RASSF4: variants seen among roughly 807,000 people sequenced by gnomAD.
RASSF4 encodes Ras association domain family member 4, also known as ras association domain-containing protein 4.
In RASSF4, 38 loss-of-function variants were observed where a neutral mutation model predicts 41.1. The observed-to-expected ratio is 0.92, with a 90% CI of 0.71 to 1.21. The LOEUF (loss-of-function observed/expected upper bound fraction) is 1.21. Ranked by LOEUF, RASSF4 falls within the 50% of genes most tolerant of loss-of-function variation. The pLI is 0.00. For missense variants in RASSF4, 414 were observed against 419.4 expected (o/e 0.99, Z 0.11); for synonymous variants, 179 against 163.4 (o/e 1.10, Z -0.73).
At chr10:44,989,059 C>A (rs1842016516) in intron 6 of RASSF4, among the ~76,000 whole-genome samples, 1 of 152,222 alleles carries the variant, frequency 6.6e-6, no homozygotes, top group Admixed American at 6.5e-5. Flanking sequence ...GGTGTGTAGA[C>A]ATCTTCCTTA....
At chr10:44,984,462 C>A in intron 5 of RASSF4, 1 of 489,412 alleles carries the variant, frequency 2.0e-6, no homozygotes, top group Non-Finnish European at 3.7e-6. Flanking sequence ...TCTGTACCTG[C>A]TCACTCATCC....
At chr10:44,977,086 G>A (rs747770839) in intron 3 of RASSF4, 6 of 267,794 alleles carry the variant, frequency 2.2e-5, no homozygotes, top group Non-Finnish European at 3.5e-5. Flanking sequence ...TGGCCTGGGA[G>A]GCAGGTGCCA....
At chr10:44,984,610 T>C in intron 5 of RASSF4, 2 of 625,678 alleles carry the variant, frequency 3.2e-6, no homozygotes, top group Non-Finnish European at 5.6e-6. Flanking sequence ...TGTGACATTG[T>C]GACCCAGGTT....
At chr10:44,966,244 C>T (rs866486064) in intron 1 of RASSF4, among the ~76,000 whole-genome samples, 1 of 152,150 alleles carries the variant, frequency 6.6e-6, no homozygotes, top group Non-Finnish European at 1.5e-5. Flanking sequence ...AATAAGTAAC[C>T]ACTGCCTGAC....
chr10:44,963,476 T>G (rs1036018276), intron 1 of RASSF4, among the ~76,000 whole-genome samples: 1 of 152,214 alleles, frequency 6.6e-6, no homozygotes, highest in Non-Finnish European at 1.5e-5. Flanking sequence ...TTCATTGTCC[T>G]CTGTGCCCTG....
chr10:44,992,441 G>A (rs1219067727), intron 10 of RASSF4, among the ~76,000 whole-genome samples: 1 of 152,242 alleles, frequency 6.6e-6, no homozygotes, highest in African/African-American at 2.4e-5. Flanking sequence ...AGTGGCAGAT[G>A]CTGGAACTCC....
At chr10:44,986,534 G>A (rs1033643798) in intron 6 of RASSF4, among the ~76,000 whole-genome samples, 16 of 152,230 alleles carry the variant, frequency 1.1e-4, no homozygotes, top group African/African-American at 3.6e-4. Flanking sequence ...CTTGCAATGT[G>A]AATCCATTCT....
At chr10:44,984,246 C>T in intron 5 of RASSF4, 133 bp downstream of exon 5, 1 of 848,344 alleles carries the variant, frequency 1.2e-6, no homozygotes, top group Non-Finnish European at 1.8e-6. Context: ...TGCTGGACCC[C>T]TACCCAGGTG....
At position 44,963,116 on chromosome 10, in the gene RASSF4, G is replaced by A. The variant is rs527361813; in HGVS notation, c.-39+3250G>A. 1.1e-4 allele frequency among the ~76,000 whole-genome samples: 17 copies of A among 152,126 alleles called. No homozygotes were observed. In the South Asian group the frequency reaches 2.5e-3, roughly 22 times the overall value. ...GGAGGTGGAGGGGAGCTCTGTGCCCGCCTCTCCTGGACTCCCCTGGTCTCC... is the reference window on the plus strand; with the variant it reads ...GGAGGTGGAGGGGAGCTCTGTGCCCACCTCTCCTGGACTCCCCTGGTCTCC... On this transcript the variant is annotated intron_variant, in intron 1 of 10. Transcript: ENST00000340258.
chr10:44,973,533 C>T (rs1841268435), intron 3 of RASSF4, among the ~76,000 whole-genome samples: 1 of 152,228 alleles, frequency 6.6e-6, no homozygotes, highest in Non-Finnish European at 1.5e-5. Flanking sequence ...ACCAGCTGCC[C>T]TGGGAACTGG....
intron 3 of RASSF4, chr10:44,977,338 G>A (rs901903327): frequency 4.0e-6 from 6 of 1,511,480 alleles, no homozygotes; most frequent in African/African-American, 1.4e-5. Flanking sequence ...TGGAGGAGAC[G>A]AGAGGAGATG....
chr10:44,982,702 G>A (rs755848916), intron 4 of RASSF4, 39 bp downstream of exon 4: 1 of 1,599,648 alleles, frequency 6.3e-7, no homozygotes, highest in Non-Finnish European at 8.5e-7. Flanking sequence ...TGCTCAGCCT[G>A]AGCTCCCGGG....
intron 8 of RASSF4, 92 bp from the exon 9 acceptor site, chr10:44,990,856 C>A: frequency 7.2e-7 from 1 of 1,384,734 alleles, no homozygotes; most frequent in East Asian, 2.3e-5. Flanking sequence ...TCCCTGCGCC[C>A]CTAGACGCAC....
At chr10:44,975,846 G>C (rs1277823637) in intron 3 of RASSF4, among the ~76,000 whole-genome samples, 1 of 151,880 alleles carries the variant, frequency 6.6e-6, no homozygotes, top group Non-Finnish European at 1.5e-5. Flanking sequence ...GACCTCCCCA[G>C]ATGCAGCGAG....
chr10:44,987,849 C>T (rs1027277579), intron 6 of RASSF4, among the ~76,000 whole-genome samples: 8 of 152,006 alleles, frequency 5.3e-5, no homozygotes, highest in Non-Finnish European at 1.0e-4. Context: ...ATAAACATAT[C>T]TTGTATATGC....
At chr10:44,989,519 C>A (rs1182812449) in intron 7 of RASSF4, 144 bp downstream of exon 7, 11 of 965,298 alleles carry the variant, frequency 1.1e-5, no homozygotes, top group South Asian at 1.1e-4. Context: ...GCTTTGGTTT[C>A]TCGGATTTCA....
intron 1 of RASSF4, among the ~76,000 whole-genome samples, chr10:44,967,040 A>C (rs1411434062): frequency 6.6e-6 from 1 of 152,212 alleles, no homozygotes; most frequent in Admixed American, 6.5e-5. Flanking sequence ...TGATTGGATT[A>C]TGTATTGCAT....
chr10:44,969,765 C>T (rs1017583007), intron 1 of RASSF4, among the ~76,000 whole-genome samples: 8 of 152,268 alleles, frequency 5.3e-5, no homozygotes, highest in African/African-American at 1.4e-4. Context: ...CCTGGCTGAG[C>T]GGGAAGGCAG....
chr10:44,991,147 G>C, intron 9 of RASSF4, 78 bp downstream of exon 9: 1 of 1,390,382 alleles, frequency 7.2e-7, no homozygotes, highest in Non-Finnish European at 9.7e-7. Flanking sequence ...AAGGACTCCT[G>C]GCCAGAGCCC....
Sources: gnomAD v4.1 joint callset for allele counts (sites outside exome capture counted in the v4.1 genomes callset) on GRCh38, gnomAD v4.1.1 for gene constraint, MANE v1.5 for transcripts, NCBI Gene and HGNC (gene_info 2026-07-23, HGNC 2026-07-21) for gene names.